MB21D2: variants seen among roughly 807,000 people sequenced by gnomAD.
The protein encoded by MB21D2 is Mab-21 domain containing 2.
Under a neutral mutation model 33.3 loss-of-function variants are expected in MB21D2, and 9 were observed. The ratio of observed to expected loss-of-function variants is 0.27; its 90% confidence interval spans 0.16 to 0.47. The LOEUF (loss-of-function observed/expected upper bound fraction) is 0.47, where lower values mean the gene tolerates loss of function less well. Among genes scored for constraint, MB21D2 ranks in the 20% least tolerant of loss-of-function variants. The pLI is 0.99. For missense variants in MB21D2, 540 were observed against 624.6 expected (o/e 0.86, Z 1.44); for synonymous variants, 241 against 236.3 (o/e 1.02, Z -0.18).
intron 1 of MB21D2, among the ~76,000 whole-genome samples, chr3:192,859,886 G>A (rs1713001482): frequency 6.6e-6 from 1 of 152,182 alleles, no homozygotes; most frequent in Admixed American, 6.5e-5. Context: ...AAAGTGTGGG[G>A]GAAGTGTGGG....
At chr3:192,811,270 G>C (rs898343630) in intron 1 of MB21D2, among the ~76,000 whole-genome samples, 1 of 152,154 alleles carries the variant, frequency 6.6e-6, no homozygotes, top group Non-Finnish European at 1.5e-5. Flanking sequence ...TCTCTCATCT[G>C]TCTCAATTGC....
At chr3:192,886,619 A>G (rs1222360821) in intron 1 of MB21D2, among the ~76,000 whole-genome samples, 2 of 152,106 alleles carry the variant, frequency 1.3e-5, no homozygotes, top group East Asian at 1.9e-4. Context: ...TCTAAAGCAC[A>G]TTTCATACTT....
intron 1 of MB21D2, among the ~76,000 whole-genome samples, chr3:192,852,484 G>A (rs930798023): frequency 2.0e-5 from 3 of 152,272 alleles, no homozygotes; most frequent in Middle Eastern, 3.4e-3. Flanking sequence ...AGGTTCTAGA[G>A]GTCATTTTGT....
At chr3:192,916,840 T>C (rs543151474) in intron 1 of MB21D2, among the ~76,000 whole-genome samples, 4 of 152,292 alleles carry the variant, frequency 2.6e-5, no homozygotes, top group African/African-American at 9.6e-5. Context: ...TTGGAAACTC[T>C]GGGCACCTCT....
chr3:192,877,711 T>C (rs1467879710), intron 1 of MB21D2, among the ~76,000 whole-genome samples: 1 of 152,244 alleles, frequency 6.6e-6, no homozygotes, highest in Non-Finnish European at 1.5e-5. Flanking sequence ...CTCAAACTCC[T>C]ATCCAACGTG....
chr3:192,891,590 G>A (rs961452545), intron 1 of MB21D2, among the ~76,000 whole-genome samples: 1 of 152,058 alleles, frequency 6.6e-6, no homozygotes, highest in African/African-American at 2.4e-5. Flanking sequence ...TACCAAATGA[G>A]GTTCTAGATG....
At chr3:192,813,860 T>A (rs1560228091) in intron 1 of MB21D2, among the ~76,000 whole-genome samples, 1 of 152,198 alleles carries the variant, frequency 6.6e-6, no homozygotes, top group Non-Finnish European at 1.5e-5. Flanking sequence ...GAATCTATGA[T>A]GGTTATAGCC....
Position 192,846,680 on chromosome 3 carries a change from A to G in MB21D2, c.212-47030T>C, listed in dbSNP as rs562359332. On this transcript the variant is annotated intron_variant, in intron 1 of 1. Transcript: ENST00000392452. ...AATCCATGCTGTTTCATTTAGAATC[A>G]GAGAAACAGCCATCATTTGACCAAG... Among the ~76,000 whole-genome samples the G allele has an allele frequency of 1.6e-4, 25 of 152,342 alleles. No homozygotes were observed. In the East Asian group the frequency reaches 4.2e-3, roughly 26 times the overall value.
At chr3:192,878,864 T>C (rs1713499447) in intron 1 of MB21D2, among the ~76,000 whole-genome samples, 1 of 152,196 alleles carries the variant, frequency 6.6e-6, no homozygotes, top group Non-Finnish European at 1.5e-5. Context: ...CTGGGGAGGC[T>C]GAGGCAGGAG....
At chr3:192,879,462 G>T (rs73064229) in intron 1 of MB21D2, among the ~76,000 whole-genome samples, 1 of 152,250 alleles carries the variant, frequency 6.6e-6, no homozygotes, top group Middle Eastern at 3.2e-3. Context: ...ACAAACGCCC[G>T]CTGGGCCTCA....
At chr3:192,846,041 G>C (rs1712673998) in intron 1 of MB21D2, among the ~76,000 whole-genome samples, 1 of 152,138 alleles carries the variant, frequency 6.6e-6, no homozygotes, top group South Asian at 2.1e-4. Context: ...CCATGATCAT[G>C]CCACTGTACT....
chr3:192,909,128 C>T (rs950750210), intron 1 of MB21D2, among the ~76,000 whole-genome samples: 3 of 151,630 alleles, frequency 2.0e-5, no homozygotes, highest in East Asian at 2.0e-4. Flanking sequence ...TGGTGGCGGG[C>T]GCCTGTAGTC....
rs1320471602 is a variant in MB21D2, at chr3:192,917,848, G to C, written c.-8C>G. The C allele has an allele frequency of 1.2e-5, 19 of 1,605,338 alleles. No individual in the cohort carries two copies. Among genetic ancestry groups the C allele is most frequent in the Non-Finnish European group, 1.5e-5 (18 of 1,175,812 alleles). ...GGGAGCCGCCATCTTCATGCAAAAC[G>C]CGCCGAGTAGCAGCTCCGCGGCAGC... On this transcript the variant is annotated 5_prime_UTR_variant, in exon 1 of 2. Coordinates refer to ENST00000392452, the MANE Select transcript of MB21D2 (RefSeq NM_178496.4).
At chr3:192,852,775 C>T (rs1306352593) in intron 1 of MB21D2, among the ~76,000 whole-genome samples, 1 of 151,962 alleles carries the variant, frequency 6.6e-6, no homozygotes, top group African/African-American at 2.4e-5. Context: ...TGCCCTAGAA[C>T]TTTCAGAATG....
At chr3:192,826,961 A>G (rs1712185862) in intron 1 of MB21D2, among the ~76,000 whole-genome samples, 1 of 149,888 alleles carries the variant, frequency 6.7e-6, no homozygotes, top group African/African-American at 2.5e-5. Context: ...GTGGAATCTC[A>G]GCTCACTGCA....
chr3:192,813,719 C>T (rs989997839), intron 1 of MB21D2, among the ~76,000 whole-genome samples: 3 of 152,088 alleles, frequency 2.0e-5, no homozygotes, highest in African/African-American at 4.8e-5. Context: ...CTAAACCAGA[C>T]TAAAACTAAT....
intron 1 of MB21D2, among the ~76,000 whole-genome samples, chr3:192,864,363 T>C (rs1713121517): frequency 6.6e-6 from 1 of 152,202 alleles, no homozygotes. Context: ...GACAGTCCTC[T>C]TTTTAATGTT....
chr3:192,909,643 A>C (rs1177510777), intron 1 of MB21D2, among the ~76,000 whole-genome samples: 1 of 152,076 alleles, frequency 6.6e-6, no homozygotes, highest in Non-Finnish European at 1.5e-5. Context: ...TCTGATGAAG[A>C]GCCTCGGCCA....
At chr3:192,866,587 C>T (rs1455209918) in intron 1 of MB21D2, among the ~76,000 whole-genome samples, 4 of 152,132 alleles carry the variant, frequency 2.6e-5, no homozygotes, top group African/African-American at 9.7e-5. Context: ...TAGACATGCA[C>T]GTACACATCC....
Sources: allele counts gnomAD v4.1 joint callset (sites outside exome capture counted in the v4.1 genomes callset), GRCh38; gene constraint gnomAD v4.1.1; transcripts MANE v1.5; gene names NCBI Gene and HGNC (gene_info 2026-07-23, HGNC 2026-07-21).